PTPRD: variants seen among roughly 807,000 people sequenced by gnomAD.
PTPRD encodes the protein protein tyrosine phosphatase receptor type D.
Under a neutral mutation model 214.5 loss-of-function variants are expected in PTPRD, and 34 were observed. The ratio of observed to expected loss-of-function variants is 0.16; its 90% CI spans 0.12 to 0.21. The LOEUF (loss-of-function observed/expected upper bound fraction) is 0.21. Ranked by LOEUF, PTPRD falls within the 10% of genes least tolerant of loss-of-function variation. The probability of loss-of-function intolerance (pLI) is 1.00; values close to 1 mark genes in which losing one functional copy is unlikely to be tolerated. For synonymous variants in PTPRD, 1,128 were observed against 845.7 expected (o/e 1.33, Z -5.79); for missense variants, 2,545 against 2,398.7 (o/e 1.06, Z -1.27).
chr9:8,318,344 T>C (rs12343761), intron 45 of PTPRD, among the ~76,000 whole-genome samples: 2,004 of 152,210 alleles, frequency 0.013, 43 homozygotes, highest in African/African-American at 0.045. Context: ...TAATTCTCAG[T>C]TTAAATATTT....
At chr9:10,388,480 C>CAAAAAAAA (rs5896391) in intron 2 of PTPRD, among the ~76,000 whole-genome samples, 1 of 134,772 alleles carries the variant, frequency 7.4e-6, no homozygotes, top group Non-Finnish European at 1.6e-5. Flanking sequence ...GGATAATTAG[C>CAAAAAAAA]AAAAAAAAAA....
At chr9:8,781,792 A>C (rs1165355280) in intron 11 of PTPRD, among the ~76,000 whole-genome samples, 1 of 152,146 alleles carries the variant, frequency 6.6e-6, no homozygotes, top group Non-Finnish European at 1.5e-5. Flanking sequence ...GTTTTCCCAA[A>C]ACAAGTTTAG....
At chr9:8,965,334 C>A (rs964256789) in intron 11 of PTPRD, among the ~76,000 whole-genome samples, 1 of 150,054 alleles carries the variant, frequency 6.7e-6, no homozygotes, top group African/African-American at 2.5e-5. Flanking sequence ...GAGCTGAGAT[C>A]GTGCTACTGC....
chr9:9,318,249 T>C (rs1415465772), intron 9 of PTPRD, among the ~76,000 whole-genome samples: 2 of 142,200 alleles, frequency 1.4e-5, no homozygotes, highest in Non-Finnish European at 3.1e-5. Context: ...CACCAAAAAG[T>C]ATTTTCCCTC....
chr9:8,845,525 AAGAC>A (rs1402303006), intron 11 of PTPRD, among the ~76,000 whole-genome samples: 5 of 152,248 alleles, frequency 3.3e-5, no homozygotes, highest in African/African-American at 1.2e-4. Flanking sequence ...TTTGGCATGA[AAGAC>A]AGCCTGGCTG....
chr9:8,703,678 C>T (rs1027969198), intron 12 of PTPRD, among the ~76,000 whole-genome samples: 1 of 152,158 alleles, frequency 6.6e-6, no homozygotes, highest in African/African-American at 2.4e-5. Flanking sequence ...GGTCTTGAAC[C>T]CTACGGCATT....
chr9:9,463,023 T>C lies in PTPRD; in HGVS notation c.-236-65541A>G, dbSNP rs146015772. 2.9e-3 allele frequency among the ~76,000 whole-genome samples: 434 copies of C among 152,192 alleles called. 4 individuals carry two copies. The highest frequency in any genetic ancestry group is 9.4e-3 in the African/African-American group (390 of 41,476). On this transcript the variant is annotated intron_variant, in intron 8 of 45. Coordinates refer to ENST00000381196, the MANE Select transcript of PTPRD (RefSeq NM_002839.4). ...AAAGTAAAAAAGATTGTTTGTGGCA[T>C]CTAGTTTCCAAGAGACTAAATAGGA...
intron 5 of PTPRD, among the ~76,000 whole-genome samples, chr9:9,925,735 T>C (rs10978091): frequency 0.038 from 5,833 of 152,162 alleles, 137 homozygotes; most frequent in Non-Finnish European, 0.056. Context: ...TTTTCTTCTA[T>C]GCACCTTTTT....
rs2132480395 is a variant in PTPRD at position 8,341,678 on chromosome 9, C to A, written c.4947+15G>T. The A allele has an allele frequency of 1.2e-6, 2 of 1,612,048 alleles. No homozygotes were observed. Among genetic ancestry groups the A allele is most frequent in the South Asian group, 1.1e-5 (1 of 90,756 alleles). On this transcript the variant is annotated intron_variant, in intron 40 of 45. Transcript: ENST00000381196. ...GACTTGCTCCTGAATAACCACATCA[C>A]ATCCAATACCATACCTTAAATTCGA...
chr9:9,810,028 C>A (rs2046641773), intron 5 of PTPRD, among the ~76,000 whole-genome samples: 1 of 151,120 alleles, frequency 6.6e-6, no homozygotes, highest in Non-Finnish European at 1.5e-5. Context: ...AGTGTGCCTG[C>A]CTCTCCTGCC....
chr9:9,401,899 C>T (rs1043872066), intron 8 of PTPRD, among the ~76,000 whole-genome samples: 1 of 151,954 alleles, frequency 6.6e-6, no homozygotes, highest in African/African-American at 2.4e-5. Context: ...CTCCTTCCGC[C>T]ATTATTGTAA....
intron 10 of PTPRD, among the ~76,000 whole-genome samples, chr9:9,094,436 G>T (rs144572838): frequency 5.0e-4 from 76 of 152,212 alleles, no homozygotes; most frequent in African/African-American, 1.8e-3. Flanking sequence ...ACCAAAAATC[G>T]TATGTTCCCA....
At chr9:8,531,186 A>G (rs1026410325) in intron 14 of PTPRD, among the ~76,000 whole-genome samples, 3 of 152,242 alleles carry the variant, frequency 2.0e-5, no homozygotes, top group South Asian at 2.1e-4. Flanking sequence ...TGTCAGAAAC[A>G]GTAGTTAAAA....
At chr9:10,457,031 T>G (rs73644461) in intron 2 of PTPRD, among the ~76,000 whole-genome samples, 1,790 of 152,070 alleles carry the variant, frequency 0.012, 52 homozygotes, top group African/African-American at 0.041. Context: ...GAGACTCTGT[T>G]AAATGTCAGA....
At chr9:9,682,369 C>T (rs954578566) in intron 7 of PTPRD, among the ~76,000 whole-genome samples, 3 of 151,748 alleles carry the variant, frequency 2.0e-5, no homozygotes, top group Non-Finnish European at 4.4e-5. Flanking sequence ...TTTTTGCCAT[C>T]TCCTACTGAG....
At chr9:9,752,342 G>A (rs12554427) in intron 6 of PTPRD, among the ~76,000 whole-genome samples, 7,090 of 152,044 alleles carry the variant, frequency 0.047, 750 homozygotes, top group East Asian at 0.4. Flanking sequence ...ATGGTATCAT[G>A]GAACAACATT....
intron 5 of PTPRD, among the ~76,000 whole-genome samples, chr9:9,923,346 G>T (rs2083210000): frequency 6.6e-6 from 1 of 151,124 alleles, no homozygotes; most frequent in Non-Finnish European, 1.5e-5. Context: ...CAAAGAGATG[G>T]AAAACGACAA....
intron 11 of PTPRD, among the ~76,000 whole-genome samples, chr9:8,968,473 T>G: frequency 6.6e-6 from 1 of 151,962 alleles, no homozygotes. Context: ...GGTATCTCAT[T>G]GTGGTTTTGA....
chr9:9,460,567 A>G (rs952305315), intron 8 of PTPRD, among the ~76,000 whole-genome samples: 2 of 152,226 alleles, frequency 1.3e-5, no homozygotes, highest in African/African-American at 4.8e-5. Flanking sequence ...GGCAGCAAAC[A>G]TATAAAAAAT....
Sources: allele counts gnomAD v4.1 joint callset (sites outside exome capture counted in the v4.1 genomes callset), GRCh38; gene constraint gnomAD v4.1.1; transcripts MANE v1.5; gene names NCBI Gene and HGNC (gene_info 2026-07-23, HGNC 2026-07-21).